FAM3D: variants seen among roughly 807,000 people sequenced by gnomAD.
FAM3D encodes FAM3 metabolism regulating signaling molecule D.
Under a neutral mutation model 29.8 loss-of-function variants are expected in FAM3D, and 26 were observed. That is an observed-to-expected ratio of 0.87 (90% CI 0.64 to 1.21). FAM3D has a LOEUF of 1.21. Among genes scored for constraint, FAM3D ranks in the 50% most tolerant of loss-of-function variants. The pLI is 0.00. For synonymous variants in FAM3D, 115 were observed against 102.3 expected (o/e 1.12, Z -0.75); for missense variants, 253 against 290.9 (o/e 0.87, Z 0.95).
chr3:58,644,102 G>C (rs554842325), intron 5 of FAM3D, among the ~76,000 whole-genome samples: 1 of 152,170 alleles, frequency 6.6e-6, no homozygotes, highest in Admixed American at 6.5e-5. Flanking sequence ...GTTCCTGCTG[G>C]CCCGGCATCC....
At chr3:58,653,526 G>A (rs375435708) in intron 3 of FAM3D, 148 bp downstream of exon 3, 1 of 758,248 alleles carries the variant, frequency 1.3e-6, no homozygotes, top group Admixed American at 2.1e-5. Context: ...GTAGTCTGGG[G>A]GTGCCCCCTC....
intron 7 of FAM3D, among the ~76,000 whole-genome samples, chr3:58,639,717 G>C (rs1209236806): frequency 2.6e-5 from 4 of 152,174 alleles, no homozygotes; most frequent in African/African-American, 9.7e-5. Flanking sequence ...TAAGAGACCT[G>C]CGTGGGCCCT....
chr3:58,643,619 TG>T (rs1296016779), intron 6 of FAM3D, 42 bp downstream of exon 6: 1 of 1,593,500 alleles, frequency 6.3e-7, no homozygotes, highest in South Asian at 1.1e-5. Context: ...CTACCCTCCC[TG>T]GTTCTGGGTG....
In FAM3D at chr3:58,634,482, A is replaced by AT; in HGVS notation, c.586-115_586-114insA. ...TGGGGGTGTGGGATGTTATTAACCCACTTCACAGATGGGGAAACTGAGGCT... is the reference window on the plus strand; with the variant it reads ...TGGGGGTGTGGGATGTTATTAACCCATCTTCACAGATGGGGAAACTGAGGCT... On this transcript the variant is annotated intron_variant, in intron 9 of 9. Coordinates refer to ENST00000358781, the MANE Select transcript of FAM3D (RefSeq NM_138805.3). This position sits in a 1 kb window ranked among gnomAD's most constrained non-coding sequence, Gnocchi z 4.6. The AT allele has an allele frequency of 1.2e-6, 1 of 854,068 alleles. No homozygotes were observed. The highest frequency in any genetic ancestry group is 1.8e-6 in the Non-Finnish European group (1 of 554,406). 52.9% of individuals were successfully genotyped at this position (854,068 alleles called of 1,614,324 possible).
Position 58,635,564 on chromosome 3 carries a change from C to A in FAM3D, c.585+730G>T, listed in dbSNP as rs2066140951. Among the ~76,000 whole-genome samples the A allele has an allele frequency of 6.6e-6, 1 of 152,234 alleles. No individual in the cohort carries two copies. The highest frequency in any genetic ancestry group is 2.1e-4 in the South Asian group (1 of 4,820). ...GGCAGGAAAGCACCACCTGCCCATG[C>A]AGCCTCAGACCTCTTGCCTCTTGCT... On this transcript the variant is annotated intron_variant, in intron 9 of 9. Transcript: ENST00000358781. The surrounding 1 kb of genome is among the most constrained non-coding windows in gnomAD (Gnocchi z 5.2).
intron 4 of FAM3D, among the ~76,000 whole-genome samples, chr3:58,647,214 C>T (rs1400572296): frequency 2.0e-5 from 3 of 152,226 alleles, no homozygotes; most frequent in Non-Finnish European, 4.4e-5. Flanking sequence ...GACATTGTCA[C>T]CCAGAGAGTG....
chr3:58,648,517 G>A (rs962862406), intron 4 of FAM3D, among the ~76,000 whole-genome samples: 13 of 152,038 alleles, frequency 8.6e-5, no homozygotes, highest in African/African-American at 2.7e-4. Flanking sequence ...TTCACTTCTC[G>A]GTGCCTTAGT....
chr3:58,656,131 T>C (rs956312798), intron 1 of FAM3D, among the ~76,000 whole-genome samples: 1 of 152,210 alleles, frequency 6.6e-6, no homozygotes, highest in Non-Finnish European at 1.5e-5. Flanking sequence ...GCTAGCTAGC[T>C]GCAGTGAAAC....
intron 1 of FAM3D, among the ~76,000 whole-genome samples, chr3:58,657,370 CG>C (rs2066834955): frequency 1.0e-5 from 1 of 98,026 alleles, no homozygotes; most frequent in Non-Finnish European, 2.0e-5. Flanking sequence ...AGAGAAGGGG[CG>C]GGGTGGTGGG....
At chr3:58,646,398 G>A (rs1033863933) in intron 4 of FAM3D, among the ~76,000 whole-genome samples, 1 of 152,162 alleles carries the variant, frequency 6.6e-6, no homozygotes, top group Non-Finnish European at 1.5e-5. Context: ...GCCTTCACAG[G>A]GTAAATTGGG....
chr3:58,642,150 A>G (rs1474251692), intron 6 of FAM3D, among the ~76,000 whole-genome samples: 2 of 152,118 alleles, frequency 1.3e-5, no homozygotes, highest in Non-Finnish European at 2.9e-5. Flanking sequence ...CCCTCCTCAA[A>G]GCTGCAGAGG....
At chr3:58,649,253 A>G (rs2066559980) in intron 4 of FAM3D, 62 bp downstream of exon 4, 1 of 1,589,382 alleles carries the variant, frequency 6.3e-7, no homozygotes, top group Non-Finnish European at 8.6e-7. Flanking sequence ...GCCCTAGGGC[A>G]AATGGGAGCA....
chr3:58,637,889 T>TTATTATTATTAC (rs1479760683), intron 7 of FAM3D, among the ~76,000 whole-genome samples: 1 of 150,878 alleles, frequency 6.6e-6, no homozygotes, highest in Admixed American at 6.6e-5. Flanking sequence ...ATTATTATTA[T>TTATTATTATTAC]TATTATTATT....
rs1246466279 is a variant in FAM3D, at chr3:58,635,672, T to G, written c.585+622A>C. On this transcript the variant is annotated intron_variant, in intron 9 of 9. Transcript: ENST00000358781. The surrounding 1 kb of genome is among the most constrained non-coding windows in gnomAD (Gnocchi z 5.2). ...CCCACCGGCCTCCTGCGTTCTTCAC[T>G]GCGTTCAAGTAATTTCTAGTTACCC... is the stretch of plus-strand genomic sequence containing the variant. Among the ~76,000 whole-genome samples the G allele has an allele frequency of 6.6e-6, 1 of 152,236 alleles. No individual in the cohort carries two copies. Among genetic ancestry groups the G allele is most frequent in the Non-Finnish European group, 1.5e-5 (1 of 68,056 alleles).
intron 4 of FAM3D, among the ~76,000 whole-genome samples, chr3:58,648,716 G>C (rs545787677): frequency 6.6e-6 from 1 of 152,238 alleles, no homozygotes; most frequent in African/African-American, 2.4e-5. Flanking sequence ...GACTCCACTG[G>C]AGCATTCTTG....
rs2066107932 is a variant in FAM3D, at chr3:58,634,559, G to A, written c.586-191C>T. ...ATCTCAGAGATGGGATCAGAGCCCA[G>A]TTAACTGCTCTCACGCCCTGAAGGG... On this transcript the variant is annotated intron_variant, in intron 9 of 9. Transcript: ENST00000358781. This position sits in a 1 kb window ranked among gnomAD's most constrained non-coding sequence, Gnocchi z 4.6. 1 of 549,746 alleles carries A rather than the reference G, an allele frequency of 1.8e-6. No homozygotes were observed. The highest frequency in any genetic ancestry group is 3.2e-6 in the Non-Finnish European group (1 of 313,480). 34.1% of individuals were successfully genotyped at this position (549,746 alleles called of 1,614,324 possible). A position where few individuals can be genotyped will look rare whatever the true frequency, so the allele number is the denominator to read the frequency against.
At chr3:58,648,088 A>C (rs2066528916) in intron 4 of FAM3D, among the ~76,000 whole-genome samples, 2 of 152,202 alleles carry the variant, frequency 1.3e-5, no homozygotes, top group Admixed American at 6.5e-5. Context: ...GGGAACAGGC[A>C]GGGTGGAAAA....
chr3:58,637,073 G>A, intron 8 of FAM3D, 68 bp downstream of exon 8: 1 of 1,330,552 alleles, frequency 7.5e-7, no homozygotes, highest in Non-Finnish European at 1.1e-6. Flanking sequence ...GCAGAAAAGG[G>A]TGTGCAGGGT....
At chr3:58,658,247 GCTGGATGAATATTTGGAAA>G (rs2066862394) in intron 1 of FAM3D, among the ~76,000 whole-genome samples, 1 of 152,202 alleles carries the variant, frequency 6.6e-6, no homozygotes, top group African/African-American at 2.4e-5. Flanking sequence ...TTGAGGAAGT[GCTGGATGAATATTTGGAAA>G]CTGAATGAAT....
Sources: allele counts gnomAD v4.1 joint callset (sites outside exome capture counted in the v4.1 genomes callset), GRCh38; gene constraint gnomAD v4.1.1; non-coding constraint Gnocchi (gnomAD v3.1); transcripts MANE v1.5; gene names NCBI Gene and HGNC (gene_info 2026-07-23, HGNC 2026-07-21).